VPS13B: variants seen among roughly 807,000 people sequenced by gnomAD.
VPS13B encodes the protein intermembrane lipid transfer protein VPS13B.
A neutral mutation model predicts 426.4 loss-of-function variants in VPS13B; 285 were observed. The ratio of observed to expected loss-of-function variants is 0.67; its 90% CI spans 0.61 to 0.74. The LOEUF (loss-of-function observed/expected upper bound fraction) is 0.74. Among genes scored for constraint, VPS13B ranks in the 30% least tolerant of loss-of-function variants. VPS13B has a pLI of 0.00. For synonymous variants in VPS13B, 1,676 were observed against 1,676.4 expected (o/e 1.00, Z 0.01); for missense variants, 4,537 against 4,782.6 (o/e 0.95, Z 1.51).
intron 59 of VPS13B, among the ~76,000 whole-genome samples, chr8:99,870,446 C>A (rs1424702990): frequency 1.3e-5 from 2 of 152,308 alleles, no homozygotes; most frequent in Middle Eastern, 3.4e-3. Flanking sequence ...GCATGAGCCA[C>A]CACACCAGAC....
chr8:99,284,774 T>A (rs1819347579), intron 19 of VPS13B, among the ~76,000 whole-genome samples: 1 of 151,976 alleles, frequency 6.6e-6, no homozygotes, highest in South Asian at 2.1e-4. Flanking sequence ...TTGCCCAGGT[T>A]GGTCTTGAAC....
chr8:99,258,438 A>T (rs1456522165), intron 17 of VPS13B, among the ~76,000 whole-genome samples: 1 of 152,010 alleles, frequency 6.6e-6, no homozygotes, highest in Non-Finnish European at 1.5e-5. Context: ...TCACAACAAT[A>T]ATTAGTTATC....
At chr8:99,107,068 G>A (rs1414027957) in intron 5 of VPS13B, among the ~76,000 whole-genome samples, 2 of 152,110 alleles carry the variant, frequency 1.3e-5, no homozygotes, top group African/African-American at 2.4e-5. Context: ...GGGTCATAGT[G>A]TAGGCCTATG....
chr8:99,265,341 A>G (rs1818242445), intron 17 of VPS13B, among the ~76,000 whole-genome samples: 1 of 152,148 alleles, frequency 6.6e-6, no homozygotes, highest in Admixed American at 6.6e-5. Flanking sequence ...TTTGAGGATA[A>G]TCGATTATCA....
intron 33 of VPS13B, among the ~76,000 whole-genome samples, chr8:99,639,226 ACTGT>A (rs1453683411): frequency 6.6e-6 from 1 of 152,316 alleles, no homozygotes; most frequent in East Asian, 1.9e-4. Context: ...TTGTCTTAAC[ACTGT>A]CTGATACTGT....
intron 25 of VPS13B, among the ~76,000 whole-genome samples, chr8:99,483,860 G>T (rs543035226): frequency 6.6e-6 from 1 of 152,046 alleles, no homozygotes; most frequent in Non-Finnish European, 1.5e-5. Flanking sequence ...AGAGACTGCC[G>T]TTCATACAAG....
chr8:99,240,848 G>C (rs750457924), intron 17 of VPS13B: 1 of 152,620 alleles, frequency 6.6e-6, no homozygotes, highest in South Asian at 2.1e-4. Flanking sequence ...AACCCATATT[G>C]TTCTCTCTGG....
chr8:99,870,632 TTTAATGA>T (rs1817348313), intron 59 of VPS13B, among the ~76,000 whole-genome samples, 146 bp from the exon 60 acceptor site: 1 of 152,208 alleles, frequency 6.6e-6, no homozygotes, highest in African/African-American at 2.4e-5. Flanking sequence ...CATTGTAATG[TTTAATGA>T]TTATCTATAC....
In VPS13B at chr8:99,597,464, G is replaced by T. The variant is rs559326075; in HGVS notation, c.5220+19831G>T. On this transcript the variant is annotated intron_variant, in intron 33 of 61. Transcript: ENST00000357162. ...GAAGGAGCCAAATGAACAGAAATAA[G>T]CAAACTTGAGAGACAAAGTCTTGAT... 6.6e-5 allele frequency among the ~76,000 whole-genome samples: 10 copies of T among 152,122 alleles called. No individual in the cohort carries two copies. In the South Asian group the frequency reaches 1.5e-3, roughly 22 times the overall value.
At chr8:99,024,063 TTTTGTTTG>T (rs369347110) in intron 2 of VPS13B, among the ~76,000 whole-genome samples, 9 of 152,296 alleles carry the variant, frequency 5.9e-5, no homozygotes, top group African/African-American at 1.9e-4. Context: ...CTCAGCAGTA[TTTTGTTTG>T]TTTGTTTGTT....
intron 41 of VPS13B, 149 bp from the exon 42 acceptor site, chr8:99,778,533 T>G: frequency 1.3e-6 from 1 of 750,544 alleles, no homozygotes; most frequent in South Asian, 1.7e-5. Flanking sequence ...AAGATTATAA[T>G]ATCTTCAATA....
intron 2 of VPS13B, among the ~76,000 whole-genome samples, chr8:99,021,812 G>C (rs560239352): frequency 3.9e-5 from 6 of 151,966 alleles, no homozygotes; most frequent in African/African-American, 1.4e-4. Flanking sequence ...GAGGTCTCAC[G>C]ATGTTTCCCA....
intron 35 of VPS13B, chr8:99,697,760 A>G (rs1021408607): frequency 4.0e-5 from 25 of 628,382 alleles, no homozygotes; most frequent in Non-Finnish European, 6.7e-5. Context: ...GGAGAACATC[A>G]TCAGTGTCAC....
chr8:99,038,190 A>G (rs1842828870), intron 2 of VPS13B, among the ~76,000 whole-genome samples: 1 of 152,128 alleles, frequency 6.6e-6, no homozygotes, highest in Non-Finnish European at 1.5e-5. Context: ...CTAACAAGGT[A>G]TTTGATGCTA....
At chr8:99,432,159 T>A (rs1227026677) in intron 22 of VPS13B, among the ~76,000 whole-genome samples, 3 of 152,130 alleles carry the variant, frequency 2.0e-5, no homozygotes, top group Admixed American at 6.6e-5. Flanking sequence ...CTTATTGAAT[T>A]ACTTTCTTTC....
At chr8:99,723,793 C>G (rs1235039425) in intron 39 of VPS13B, among the ~76,000 whole-genome samples, 1 of 152,124 alleles carries the variant, frequency 6.6e-6, no homozygotes, top group African/African-American at 2.4e-5. Context: ...AAATGAAGAT[C>G]CTATATGTGG....
Position 99,469,971 on chromosome 8 carries a change from C to G in VPS13B, c.3666+2337C>G, listed in dbSNP as rs185696011. 2.0e-4 allele frequency among the ~76,000 whole-genome samples: 31 copies of G among 152,244 alleles called. No individual in the cohort carries two copies. In the East Asian group the frequency reaches 6.0e-3, roughly 29 times the overall value. ...GATGGATAGTTCCCACCAGAAGAAGCTAGGCAGAGAGCCAAGGAAGGATTG... is the reference window on the plus strand; with the variant it reads ...GATGGATAGTTCCCACCAGAAGAAGGTAGGCAGAGAGCCAAGGAAGGATTG... On this transcript the variant is annotated intron_variant, in intron 24 of 61. Coordinates refer to ENST00000357162, the MANE Select transcript of VPS13B (RefSeq NM_152564.5).
At chr8:99,590,177 G>A (rs963085564) in intron 33 of VPS13B, among the ~76,000 whole-genome samples, 6 of 151,948 alleles carry the variant, frequency 3.9e-5, no homozygotes, top group African/African-American at 1.5e-4. Context: ...TGGGATCAGT[G>A]GTGATATCAC....
chr8:99,021,789 T>TG (rs1841906674), intron 2 of VPS13B, among the ~76,000 whole-genome samples: 1 of 152,168 alleles, frequency 6.6e-6, no homozygotes, highest in African/African-American at 2.4e-5. Flanking sequence ...ATTTTTATAC[T>TG]TTTTGTAGAG....
Sources: gnomAD v4.1 joint callset for allele counts (sites outside exome capture counted in the v4.1 genomes callset) on GRCh38, gnomAD v4.1.1 for gene constraint, MANE v1.5 for transcripts, NCBI Gene and HGNC (gene_info 2026-07-23, HGNC 2026-07-21) for gene names.